ANKRD6: variants seen among roughly 807,000 people sequenced by gnomAD.
ANKRD6 encodes the protein ankyrin repeat domain-containing protein 6.
A neutral mutation model predicts 82.3 loss-of-function variants in ANKRD6; 56 were observed. The ratio of observed to expected loss-of-function variants is 0.68; its 90% CI spans 0.55 to 0.85. The LOEUF (loss-of-function observed/expected upper bound fraction) is 0.85, where lower values mean the gene tolerates loss of function less well. ANKRD6 is among the 40% of genes least tolerant of loss of function. The pLI is 0.00. For synonymous variants in ANKRD6, 347 were observed against 352.1 expected (o/e 0.99, Z 0.16); for missense variants, 852 against 907.6 (o/e 0.94, Z 0.79).
intron 1 of ANKRD6, among the ~76,000 whole-genome samples, chr6:89,531,562 T>C (rs1783149071): frequency 1.3e-5 from 2 of 152,254 alleles, no homozygotes; most frequent in Admixed American, 1.3e-4. Flanking sequence ...GGCTCCGTCA[T>C]TGCCCCATCC....
intron 1 of ANKRD6, among the ~76,000 whole-genome samples, chr6:89,448,302 C>T (rs1772353250): frequency 6.6e-6 from 1 of 151,930 alleles, no homozygotes; most frequent in African/African-American, 2.4e-5. Context: ...GGTGTTGTGG[C>T]ATGTGCCTGT....
intron 1 of ANKRD6, among the ~76,000 whole-genome samples, chr6:89,521,013 A>C (rs1781827781): frequency 6.6e-6 from 1 of 152,214 alleles, no homozygotes; most frequent in Non-Finnish European, 1.5e-5. Flanking sequence ...CTGTCCTCCC[A>C]CATTCTCTTA....
chr6:89,476,536 A>AT (rs1483765743), intron 1 of ANKRD6, among the ~76,000 whole-genome samples: 1 of 152,118 alleles, frequency 6.6e-6, no homozygotes, highest in East Asian at 1.9e-4. Flanking sequence ...CTGTTTCTCC[A>AT]TATCTTTCAT....
intron 3 of ANKRD6, chr6:89,602,760 T>G (rs1303543299): frequency 1.4e-5 from 6 of 436,488 alleles, no homozygotes; most frequent in Admixed American, 1.0e-4. Flanking sequence ...ACCCTCATTT[T>G]GAGGTTGGCT....
intron 13 of ANKRD6, among the ~76,000 whole-genome samples, chr6:89,626,892 C>T (rs1805864556): frequency 6.6e-6 from 1 of 152,212 alleles, no homozygotes; most frequent in South Asian, 2.1e-4. Flanking sequence ...CAATGAAGCA[C>T]CAAAAATATT....
At chr6:89,435,246 A>C (rs542318405) in intron 1 of ANKRD6, among the ~76,000 whole-genome samples, 157 of 152,308 alleles carry the variant, frequency 1.0e-3, no homozygotes, top group Non-Finnish European at 1.6e-3. Flanking sequence ...TGCAATGTAA[A>C]GAATAACAAT....
In ANKRD6 at chr6:89,617,986, C is replaced by A. The variant is rs1404903010; in HGVS notation, c.747C>A (p.Tyr249Ter). 1 of 1,613,940 alleles carries A rather than the reference C, an allele frequency of 6.2e-7. No homozygotes were observed. The highest frequency in any genetic ancestry group is 8.5e-7 in the Non-Finnish European group (1 of 1,179,920). ...AGACTCCGCTGGAGACTGCCCGCTA[C>A]CACAATAACCCGGAAGTTGCTCTTC... Reference protein sequence around the residue: ...AGQTPLETARYHNNPEVALLL... With the variant: ...AGQTPLETAR Residue 249 changes from tyrosine to a stop codon, truncating the protein, a stop_gained, in exon 9 of 16, where the codon TAC becomes TAA. Coordinates refer to ENST00000339746, the MANE Select transcript of ANKRD6 (RefSeq NM_001242809.2). LOFTEE classifies it high-confidence loss of function.
chr6:89,633,033 CT>C lies in ANKRD6; in HGVS notation c.*2032del, dbSNP rs1807711351. ...AGTATCAAGTCTAGACCATAGAGTG[CT>C]TTGGTGGGAGTATTTTGATTACCTC... On this transcript the variant is annotated 3_prime_UTR_variant, in exon 16 of 16. Coordinates refer to ENST00000339746, the MANE Select transcript of ANKRD6 (RefSeq NM_001242809.2). 6.6e-6 allele frequency: 1 copy of C among 152,226 alleles called. No individual in the cohort carries two copies. Among genetic ancestry groups the C allele is most frequent in the Non-Finnish European group, 1.5e-5 (1 of 68,046 alleles). The allele number at this position is 152,226 out of a possible 1,614,324, so 9.4% of individuals were successfully genotyped here.
At chr6:89,483,701 A>C (rs1380574172) in intron 1 of ANKRD6, 1 of 152,204 alleles carries the variant, frequency 6.6e-6, no homozygotes, top group Non-Finnish European at 1.5e-5. Context: ...AAGGTTTTTG[A>C]AATGAAAATG....
chr6:89,491,980 A>C (rs1423831791), intron 1 of ANKRD6, among the ~76,000 whole-genome samples: 2 of 152,126 alleles, frequency 1.3e-5, no homozygotes, highest in Non-Finnish European at 2.9e-5. Flanking sequence ...CCACTTCTTC[A>C]TCATACCCAG....
intron 1 of ANKRD6, chr6:89,509,270 C>A (rs964465387): frequency 6.6e-6 from 1 of 152,204 alleles, no homozygotes; most frequent in African/African-American, 2.4e-5. Flanking sequence ...TCTTGGTGCT[C>A]CCTTGATTTG....
At chr6:89,462,734 C>T (rs1774335625) in intron 1 of ANKRD6, among the ~76,000 whole-genome samples, 1 of 151,990 alleles carries the variant, frequency 6.6e-6, no homozygotes, top group South Asian at 2.1e-4. Context: ...TGGGCAATTC[C>T]CATAACAGAC....
At chr6:89,623,280 A>T in intron 10 of ANKRD6, 130 bp from the exon 11 acceptor site, 1 of 1,273,266 alleles carries the variant, frequency 7.9e-7, no homozygotes, top group East Asian at 2.6e-5. Context: ...TATGTCTGAA[A>T]TTTATGTTAT....
chr6:89,605,172 A>G (rs1316514172), intron 4 of ANKRD6, among the ~76,000 whole-genome samples: 1 of 152,252 alleles, frequency 6.6e-6, no homozygotes, highest in Non-Finnish European at 1.5e-5. Context: ...ACTTGAGGTC[A>G]GGAGTTCAAG....
At chr6:89,586,869 A>G (rs9362662) in intron 2 of ANKRD6, among the ~76,000 whole-genome samples, 69,884 of 151,844 alleles carry the variant, frequency 0.46, 16,873 homozygotes, top group East Asian at 0.61. Flanking sequence ...AGGAAGCCCA[A>G]CCCTAGCAAT....
Position 89,526,780 on chromosome 6 carries a change from G to A in ANKRD6, c.-143-40054G>A, listed in dbSNP as rs564259560. On this transcript the variant is annotated intron_variant, in intron 1 of 15. Coordinates refer to ENST00000339746, the MANE Select transcript of ANKRD6 (RefSeq NM_001242809.2). ...TATAGATCTGAAGGCCTGAGGGGCA[G>A]GGAGCCTATGGCGTAGGCTCCAATC... 4.7e-4 allele frequency among the ~76,000 whole-genome samples: 71 copies of A among 152,324 alleles called. No individual in the cohort carries two copies. The South Asian group carries it at 0.014, about 31-fold the overall frequency.
chr6:89,441,401 C>G (rs1771358373), intron 1 of ANKRD6, among the ~76,000 whole-genome samples: 1 of 152,188 alleles, frequency 6.6e-6, no homozygotes, highest in Admixed American at 6.5e-5. Flanking sequence ...GATCTGCCTG[C>G]CTCGGCCTCC....
At chr6:89,503,290 T>C (rs531143764) in intron 1 of ANKRD6, among the ~76,000 whole-genome samples, 41 of 152,040 alleles carry the variant, frequency 2.7e-4, no homozygotes, top group Non-Finnish European at 5.4e-4. Context: ...TTGTGCACAT[T>C]AGGAAGTCGT....
intron 3 of ANKRD6, among the ~76,000 whole-genome samples, chr6:89,597,625 A>C (rs547685776): frequency 3.0e-4 from 46 of 152,348 alleles, no homozygotes; most frequent in Admixed American, 1.8e-3. Context: ...GAAACAGGCA[A>C]GAATTTTCTT....
Sources: gnomAD v4.1 joint callset for allele counts (sites outside exome capture counted in the v4.1 genomes callset) on GRCh38, gnomAD v4.1.1 for gene constraint, MANE v1.5 for transcripts, NCBI Gene and HGNC (gene_info 2026-07-23, HGNC 2026-07-21) for gene names.